The following ZNF729 variants were observed in gnomAD, a reference collection of about 807,000 sequenced individuals.
The protein encoded by ZNF729 is zinc finger protein 729.
Under a neutral mutation model 12.2 loss-of-function variants are expected in ZNF729, and 15 were observed. That is an observed-to-expected ratio of 1.23 (90% CI 0.82 to 1.89). The LOEUF is 1.89. Among genes scored for constraint, ZNF729 ranks in the 40% most tolerant of loss-of-function variants. The probability of loss-of-function intolerance (pLI) is 0.00; values close to 1 mark genes in which losing one functional copy is unlikely to be tolerated. For missense variants in ZNF729, 1,540 were observed against 1,456.7 expected, an observed-to-expected ratio of 1.06 and a Z score of -0.93; for synonymous variants, 492 against 476.3, an observed-to-expected ratio of 1.03 and a Z score of -0.43.
At position 22,303,782 on chromosome 19, in the gene ZNF729, A is replaced by G. The variant is rs1460477247; in HGVS notation, c.55A>G (p.Thr19Ala). 2 of 1,571,864 alleles carry G rather than the reference A, an allele frequency of 1.3e-6. No homozygotes were observed. Among genetic ancestry groups the G allele is most frequent in the East Asian group, 2.3e-5 (1 of 42,922 alleles). Residue 19 changes from threonine (T) to alanine (A), a missense_variant, in exon 2 of 4, where the codon ACC (threonine) becomes GCC (alanine). Thr to Ala is a moderately conservative substitution (Grantham distance 58). Transcript: ENST00000601693. Reference protein sequence around the residue: ...EMGPLTFRDVTIEFSLEEWQC... With the variant: ...EMGPLTFRDVAIEFSLEEWQC... ...GGGACCATTGACATTTAGAGATGTG[A>G]CCATAGAATTCTCTCTGGAGGAGTG...
At chr19:22,305,648 C>G (rs1170945893) in intron 3 of ZNF729, among the ~76,000 whole-genome samples, 1 of 152,128 alleles carries the variant, frequency 6.6e-6, no homozygotes, top group Non-Finnish European at 1.5e-5. Context: ...ATGACTGTCT[C>G]ACCCAATTGT....
At chr19:22,297,072 G>A (rs1036222107) in intron 1 of ZNF729, among the ~76,000 whole-genome samples, 1 of 152,146 alleles carries the variant, frequency 6.6e-6, no homozygotes, top group African/African-American at 2.4e-5. Flanking sequence ...TTTAGATGGA[G>A]AGTTCTGTAG....
At chr19:22,290,337 T>C (rs1252564313) in intron 1 of ZNF729, among the ~76,000 whole-genome samples, 2 of 152,184 alleles carry the variant, frequency 1.3e-5, no homozygotes, top group East Asian at 1.9e-4. Context: ...GAAATTGTTA[T>C]TGTTTTGTGG....
At chr19:22,289,127 A>G (rs1406712085) in intron 1 of ZNF729, among the ~76,000 whole-genome samples, 2 of 152,126 alleles carry the variant, frequency 1.3e-5, no homozygotes, top group Admixed American at 1.3e-4. Context: ...GCATTTTGTT[A>G]GTAGGGATTG....
rs764026561 is a variant in ZNF729 at position 22,313,797 on chromosome 19, A to G, written c.380A>G (p.Lys127Arg). 1.7e-5 allele frequency: 27 copies of G among 1,598,080 alleles called. No individual in the cohort carries two copies. The Middle Eastern group carries it at 8.3e-4, about 49-fold the overall frequency. ...AATTTACGATTAAGAAAAGATTGTA[A>G]AAGTGCCAATGAGGGTAAGATGCAC... Reference protein sequence around the residue: ...HKNLRLRKDCKSANEGKMHKE... With the variant: ...HKNLRLRKDCRSANEGKMHKE... The change falls in exon 4 of 4, where the codon AAA becomes AGA. Residue 127 changes from lysine (K) to arginine (R), a missense_variant. By Grantham distance (26) the Lys-to-Arg change is conservative. Transcript: ENST00000601693.
chr19:22,303,631 A>ATTTTTTTTTT, intron 1 of ZNF729, 127 bp from the exon 2 acceptor site: 1 of 797,416 alleles, frequency 1.3e-6, no homozygotes. Flanking sequence ...TTTATTGGAT[A>ATTTTTTTTTT]TGTTCGGTCA....
At chr19:22,308,659 T>G (rs1345578604) in intron 3 of ZNF729, among the ~76,000 whole-genome samples, 1 of 152,166 alleles carries the variant, frequency 6.6e-6, no homozygotes, top group African/African-American at 2.4e-5. Flanking sequence ...TTTTTGGCCA[T>G]TTGTATATCT....
chr19:22,312,084 A>G (rs531868038), intron 3 of ZNF729, among the ~76,000 whole-genome samples: 1 of 151,722 alleles, frequency 6.6e-6, no homozygotes, highest in Non-Finnish European at 1.5e-5. Context: ...TTCATGAATT[A>G]CCTCATGCCA....
At chr19:22,310,828 T>A (rs1968442029) in intron 3 of ZNF729, among the ~76,000 whole-genome samples, 1 of 152,160 alleles carries the variant, frequency 6.6e-6, no homozygotes, top group Non-Finnish European at 1.5e-5. Flanking sequence ...GTCCTAGACT[T>A]TTTTTGTGGA....
chr19:22,290,639 T>G (rs1200593130), intron 1 of ZNF729, among the ~76,000 whole-genome samples: 2 of 152,294 alleles, frequency 1.3e-5, no homozygotes, highest in African/African-American at 4.8e-5. Context: ...TGACTCAGAC[T>G]GAGGGTAGCT....
chr19:22,303,941 T>C (rs1568574235), intron 2 of ZNF729, 57 bp downstream of exon 2: 1 of 1,480,688 alleles, frequency 6.8e-7, no homozygotes, highest in African/African-American at 1.4e-5. Context: ...TAATTTCTCT[T>C]TTCTGTAGAA....
rs1238562356 is a variant in ZNF729 at position 22,315,716 on chromosome 19, T to C, written c.2299T>C (p.Leu767=). Residue 767 remains leucine, a synonymous_variant, in exon 4 of 4, where the codon TTG becomes CTG. Coordinates refer to ENST00000601693, the MANE Select transcript of ZNF729 (RefSeq NM_001242680.2). ...TAAGGTAATTCATACTAGGGAGAAA[T>C]TGTACAAATGTGAAGAATGTGTCAA... ...KHKVIHTREK[L]YKCEECVKAF... 3.3e-5 allele frequency: 53 copies of C among 1,592,516 alleles called. No homozygotes were observed. Among genetic ancestry groups the C allele is most frequent in the Middle Eastern group, 1.7e-4 (1 of 5,980 alleles).
chr19:22,313,534 G>C (rs1051274301), intron 3 of ZNF729, 137 bp from the exon 4 acceptor site: 3 of 729,840 alleles, frequency 4.1e-6, no homozygotes. Context: ...ACATTTATAT[G>C]TCTATGAAGA....
chr19:22,288,164 A>T (rs1968105453), intron 1 of ZNF729, among the ~76,000 whole-genome samples: 1 of 152,126 alleles, frequency 6.6e-6, no homozygotes, highest in East Asian at 1.9e-4. Flanking sequence ...CCTTTAGTGT[A>T]CATTTTTGAT....
At chr19:22,313,503 T>C (rs974156008) in intron 3 of ZNF729, among the ~76,000 whole-genome samples, 168 bp from the exon 4 acceptor site, 4 of 152,180 alleles carry the variant, frequency 2.6e-5, no homozygotes, top group Non-Finnish European at 4.4e-5. Context: ...CACAAATGTA[T>C]TTGGTCAGTA....
intron 3 of ZNF729, among the ~76,000 whole-genome samples, chr19:22,312,052 C>A (rs1968456335): frequency 6.6e-6 from 1 of 151,868 alleles, no homozygotes; most frequent in African/African-American, 2.4e-5. Flanking sequence ...GGTTCTCTGG[C>A]TTAGGTGAAT....
chr19:22,298,034 A>G (rs1968254636), intron 1 of ZNF729, among the ~76,000 whole-genome samples: 1 of 150,906 alleles, frequency 6.6e-6, no homozygotes, highest in Admixed American at 6.6e-5. Flanking sequence ...AAAACACAAA[A>G]CATTGAGCAC....
chr19:22,298,632 GC>G (rs1393096845), intron 1 of ZNF729, among the ~76,000 whole-genome samples: 16 of 152,220 alleles, frequency 1.1e-4, no homozygotes, highest in African/African-American at 3.6e-4. Context: ...TCCTGCCTCA[GC>G]CTCCCTAGTA....
At chr19:22,298,620 TCTC>T (rs1968263590) in intron 1 of ZNF729, among the ~76,000 whole-genome samples, 1 of 152,112 alleles carries the variant, frequency 6.6e-6, no homozygotes, top group Non-Finnish European at 1.5e-5. Context: ...CTCAGGTGAT[TCTC>T]CTGCCTCAGC....
Sources: allele counts gnomAD v4.1 joint callset (sites outside exome capture counted in the v4.1 genomes callset), GRCh38; gene constraint gnomAD v4.1.1; transcripts MANE v1.5; gene names NCBI Gene and HGNC (gene_info 2026-07-23, HGNC 2026-07-21).